Variants in PCDH7 observed in about 807,000 individuals in gnomAD.
PCDH7 encodes protocadherin-7.
In PCDH7, 17 loss-of-function variants were observed where a neutral mutation model predicts 58.9. The ratio of observed to expected loss-of-function variants is 0.29; its 90% CI spans 0.20 to 0.43. PCDH7 has a LOEUF of 0.43. PCDH7 is among the 20% of genes least tolerant of loss of function. The probability of loss-of-function intolerance (pLI) is 1.00; values close to 1 mark genes in which losing one functional copy is unlikely to be tolerated. For synonymous variants in PCDH7, 664 were observed against 616.4 expected (o/e 1.08, Z -1.14); for missense variants, 1,274 against 1,441.0 (o/e 0.88, Z 1.88).
chr4:30,793,918 C>G (rs970107723), intron 1 of PCDH7: 1 of 152,176 alleles, frequency 6.6e-6, no homozygotes, highest in Non-Finnish European at 1.5e-5. Context: ...ATTGAAATTA[C>G]TTACAAAGGA....
chr4:31,071,564 T>C (rs982078076), intron 3 of PCDH7, among the ~76,000 whole-genome samples: 1 of 152,006 alleles, frequency 6.6e-6, no homozygotes, highest in African/African-American at 2.4e-5. Flanking sequence ...CAAATTTTAG[T>C]TCTATTCTGT....
chr4:30,955,551 A>AT, intron 3 of PCDH7, among the ~76,000 whole-genome samples: 1 of 147,254 alleles, frequency 6.8e-6, no homozygotes, highest in Non-Finnish European at 1.5e-5. Context: ...ATTTTATTTT[A>AT]TTTTTTGAGA....
intron 2 of PCDH7, among the ~76,000 whole-genome samples, chr4:30,935,059 A>T (rs1380006548): frequency 1.3e-5 from 2 of 152,120 alleles, no homozygotes; most frequent in Non-Finnish European, 2.9e-5. Flanking sequence ...ACTTTACTAT[A>T]TTCAGTTATT....
intron 1 of PCDH7, among the ~76,000 whole-genome samples, chr4:30,765,871 A>G (rs1381385113): frequency 6.6e-6 from 1 of 152,162 alleles, no homozygotes; most frequent in Non-Finnish European, 1.5e-5. Context: ...CCCACCTGTC[A>G]TTAGAGGTTT....
chr4:31,094,156 C>T (rs527567322), intron 3 of PCDH7, among the ~76,000 whole-genome samples: 31 of 152,184 alleles, frequency 2.0e-4, no homozygotes, highest in African/African-American at 7.2e-4. Flanking sequence ...TGTAAATTAC[C>T]ATTACTCAAG....
Position 30,721,816 on chromosome 4 carries a change from A to G in PCDH7, c.394A>G (p.Ile132Val). ...GGTGGACCTGTTTGAGGGTCAGGTC[A>G]TCGTGCTTGACATCAACGACAACAC... The change falls in exon 1 of 2, where the codon ATC becomes GTC. Residue 132 changes from isoleucine (I) to valine (V), a missense_variant. This residue lies in a region of PCDH7 where 212 missense variants were observed against 255.8 expected (regional missense o/e 0.83). Coordinates refer to ENST00000361762, the Ensembl canonical transcript of PCDH7. This position sits in a 1 kb window ranked among gnomAD's most constrained non-coding sequence, Gnocchi z 6.7. 6.2e-7 allele frequency: 1 copy of G among 1,612,154 alleles called. No homozygotes were observed. The highest frequency in any genetic ancestry group is 8.5e-7 in the Non-Finnish European group (1 of 1,179,406).
In PCDH7 at chr4:31,012,658, G is replaced by A. The variant is rs547999093; in HGVS notation, c.*7+62443G>A. 3.3e-5 allele frequency among the ~76,000 whole-genome samples: 5 copies of A among 150,638 alleles called. 1 individual carries two copies. The South Asian group carries it at 1.1e-3, about 33-fold the overall frequency. The stretch of plus-strand genomic sequence containing the variant: ...CAGAAAAGTTATTTCTACTAAAATA[G>A]TAAAAATAAGAAATTATCTTACTAG... On this transcript the variant is annotated intron_variant, in intron 3 of 3. Coordinates refer to the PCDH7 transcript ENST00000509759.
chr4:30,814,562 T>TA (rs768906764), intron 1 of PCDH7, among the ~76,000 whole-genome samples: 50 of 152,104 alleles, frequency 3.3e-4, no homozygotes, highest in Non-Finnish European at 6.2e-4. Flanking sequence ...ATTTTTTTTT[T>TA]ACCTACTTGA....
At chr4:31,007,200 A>T (rs1400354195) in intron 3 of PCDH7, among the ~76,000 whole-genome samples, 1 of 152,206 alleles carries the variant, frequency 6.6e-6, no homozygotes, top group Non-Finnish European at 1.5e-5. Context: ...TCTCTGCCTC[A>T]ATTTCTCATC....
intron 1 of PCDH7, among the ~76,000 whole-genome samples, chr4:30,746,574 C>T (rs897562091): frequency 6.6e-6 from 1 of 152,084 alleles, no homozygotes; most frequent in African/African-American, 2.4e-5. Flanking sequence ...TGAAATTTGC[C>T]CCATTTGCTT....
intron 3 of PCDH7, among the ~76,000 whole-genome samples, chr4:31,035,424 T>G (rs1755325573): frequency 6.6e-6 from 1 of 152,060 alleles, no homozygotes; most frequent in Non-Finnish European, 1.5e-5. Context: ...CGGCTAATTT[T>G]TGTATTTTTA....
chr4:30,757,943 G>T lies in PCDH7; in HGVS notation c.70+33347G>T, dbSNP rs929500712. On this transcript the variant is annotated intron_variant, in intron 1 of 3. Coordinates refer to the PCDH7 transcript ENST00000509759. ...TGCCAGGCAGTGCTCAAGGTGTTAGGACGGGAAAGAACAGCCTTGCTAAAA... is the reference window on the plus strand; with the variant it reads ...TGCCAGGCAGTGCTCAAGGTGTTAGTACGGGAAAGAACAGCCTTGCTAAAA... Among the ~76,000 whole-genome samples, 117 of 102,866 alleles carry T rather than the reference G, an allele frequency of 1.1e-3. 1 individual carries two copies. The highest frequency in any genetic ancestry group is 5.3e-3 in the African/African-American group (114 of 21,538). The allele number at this position is 102,866 out of a possible 152,430, so 67.5% of individuals were successfully genotyped here. A position where few individuals can be genotyped will look rare whatever the true frequency, so the allele number is the denominator to read the frequency against.
rs114437441 is a variant in PCDH7, at chr4:31,006,001, A to G, written c.*7+55786A>G. On this transcript the variant is annotated intron_variant, in intron 3 of 3. Coordinates refer to the PCDH7 transcript ENST00000509759. Reference sequence around the variant, plus strand: ...CCTGACTACTTCATCTGCAAAATGGAGACGATAATAATATCTATTTCATAT... The same window carrying G: ...CCTGACTACTTCATCTGCAAAATGGGGACGATAATAATATCTATTTCATAT... Among the ~76,000 whole-genome samples the G allele has an allele frequency of 3.1e-3, 478 of 152,316 alleles. 3 individuals are homozygous for G. The highest frequency in any genetic ancestry group is 9.2e-3 in the African/African-American group (381 of 41,574).
chr4:31,095,434 C>T (rs1057054863), intron 3 of PCDH7, among the ~76,000 whole-genome samples: 3 of 152,128 alleles, frequency 2.0e-5, no homozygotes, highest in East Asian at 1.9e-4. Flanking sequence ...CTGCTCTCTG[C>T]AGGCCCTTGG....
At chr4:31,031,677 T>C (rs1173747353) in intron 3 of PCDH7, among the ~76,000 whole-genome samples, 2 of 152,234 alleles carry the variant, frequency 1.3e-5, no homozygotes, top group Non-Finnish European at 2.9e-5. Context: ...TTCAGTGTTA[T>C]TTCAAATATT....
intron 3 of PCDH7, among the ~76,000 whole-genome samples, chr4:31,105,745 C>T (rs965050165): frequency 3.9e-5 from 6 of 152,078 alleles, no homozygotes; most frequent in East Asian, 1.9e-4. Flanking sequence ...CAGTGGCTCA[C>T]GCCTGTAATC....
chr4:30,918,836 A>G (rs1742805701), intron 1 of PCDH7, among the ~76,000 whole-genome samples: 1 of 152,168 alleles, frequency 6.6e-6, no homozygotes, highest in Non-Finnish European at 1.5e-5. Context: ...ATGACAAAAT[A>G]AAGGGTAATT....
intron 1 of PCDH7, among the ~76,000 whole-genome samples, chr4:30,861,522 C>T (rs1206245924): frequency 6.6e-6 from 1 of 152,120 alleles, no homozygotes; most frequent in Non-Finnish European, 1.5e-5. Context: ...TCCCTTATTT[C>T]AACACTTGTG....
chr4:31,084,411 A>G (rs1712043451), intron 3 of PCDH7, among the ~76,000 whole-genome samples: 1 of 152,028 alleles, frequency 6.6e-6, no homozygotes, highest in Non-Finnish European at 1.5e-5. Context: ...ATTATAGAAA[A>G]GTTAAAATTG....
Sources: allele counts gnomAD v4.1 joint callset (sites outside exome capture counted in the v4.1 genomes callset), GRCh38; gene constraint gnomAD v4.1.1; regional missense constraint gnomAD v4.1.1; non-coding constraint Gnocchi (gnomAD v3.1); transcripts MANE v1.5; gene names NCBI Gene and HGNC (gene_info 2026-07-23, HGNC 2026-07-21).